The following NAA35 variants were observed in gnomAD, a reference collection of about 807,000 sequenced individuals.
NAA35 encodes the protein MAK10 homolog, amino-acid N-acetyltransferase subunit.
In NAA35, 18 loss-of-function variants were observed where a neutral mutation model predicts 101.7. That is an observed-to-expected ratio of 0.18 (90% CI 0.12 to 0.26). The LOEUF is 0.26. Among genes scored for constraint, NAA35 ranks in the 10% least tolerant of loss-of-function variants. The pLI is 1.00. For missense variants in NAA35, 601 were observed against 886.8 expected (o/e 0.68, Z 4.09); for synonymous variants, 267 against 273.1 (o/e 0.98, Z 0.22).
intron 2 of NAA35, among the ~76,000 whole-genome samples, chr9:85,954,625 T>C (rs1193352524): frequency 1.3e-5 from 2 of 152,226 alleles, no homozygotes; most frequent in African/African-American, 4.8e-5. Context: ...AGAAAATTTT[T>C]GTCTTTTTTT....
intron 15 of NAA35, 92 bp from the exon 16 acceptor site, chr9:86,012,954 C>T: frequency 1.3e-6 from 1 of 775,118 alleles, no homozygotes; most frequent in Non-Finnish European, 1.9e-6. Flanking sequence ...GCATTTTTTT[C>T]CCTTAAACCA....
chr9:85,963,450 G>A (rs1218782543), intron 6 of NAA35, among the ~76,000 whole-genome samples: 1 of 151,594 alleles, frequency 6.6e-6, no homozygotes, highest in Non-Finnish European at 1.5e-5. Flanking sequence ...TTGTATTTTA[G>A]TAGAGACCCG....
chr9:85,944,469 G>A (rs1250996041), intron 2 of NAA35, among the ~76,000 whole-genome samples: 1 of 152,196 alleles, frequency 6.6e-6, no homozygotes, highest in Non-Finnish European at 1.5e-5. Context: ...CTTGGACTAG[G>A]CCTTGACAGA....
chr9:85,953,108 GAGGC>G (rs961722272), intron 2 of NAA35, among the ~76,000 whole-genome samples: 2 of 152,084 alleles, frequency 1.3e-5, no homozygotes, highest in Non-Finnish European at 2.9e-5. Flanking sequence ...AGTTACCCAG[GAGGC>G]TGAGGTGGGA....
intron 5 of NAA35, 123 bp downstream of exon 5, chr9:85,959,990 T>A: frequency 1.6e-6 from 1 of 621,230 alleles, no homozygotes; most frequent in Non-Finnish European, 2.7e-6. Flanking sequence ...CTAGTAAAGA[T>A]GTGCATAAGA....
At chr9:86,000,476 G>C (rs1831376889) in intron 12 of NAA35, among the ~76,000 whole-genome samples, 1 of 152,022 alleles carries the variant, frequency 6.6e-6, no homozygotes, top group Non-Finnish European at 1.5e-5. Context: ...AATGGTACCA[G>C]CTCTTCTTTG....
chr9:86,011,977 A>C (rs375210992), intron 15 of NAA35, among the ~76,000 whole-genome samples: 2 of 143,260 alleles, frequency 1.4e-5, no homozygotes, highest in Non-Finnish European at 3.0e-5. Flanking sequence ...TATATAATAT[A>C]TAATATATAT....
intron 2 of NAA35, among the ~76,000 whole-genome samples, chr9:85,954,340 C>T (rs937682132): frequency 2.0e-5 from 3 of 152,174 alleles, no homozygotes; most frequent in Non-Finnish European, 1.5e-5. Flanking sequence ...GCCTTGGCCT[C>T]CCACAATGCT....
chr9:85,993,634 A>C (rs1004237986), intron 11 of NAA35, among the ~76,000 whole-genome samples: 8 of 152,220 alleles, frequency 5.3e-5, no homozygotes, highest in African/African-American at 1.9e-4. Context: ...ATTGAACTGT[A>C]CATTTAATGT....
intron 12 of NAA35, among the ~76,000 whole-genome samples, chr9:86,000,394 A>G (rs2118303094): frequency 6.6e-6 from 1 of 152,282 alleles, no homozygotes; most frequent in African/African-American, 2.4e-5. Context: ...TTTTGGTATC[A>G]AGATGATGCT....
At chr9:86,019,728 G>C (rs1832428223) in intron 21 of NAA35, among the ~76,000 whole-genome samples, 1 of 152,136 alleles carries the variant, frequency 6.6e-6, no homozygotes. Context: ...AGTATATCTT[G>C]GGACCGCTTC....
intron 17 of NAA35, 43 bp downstream of exon 17, chr9:86,013,940 G>A (rs1199562101): frequency 4.4e-6 from 6 of 1,379,162 alleles, no homozygotes; most frequent in Non-Finnish European, 6.0e-6. Flanking sequence ...GGGTGCAATG[G>A]ATAAGATCTG....
At chr9:85,947,865 C>T (rs144233097) in intron 2 of NAA35, among the ~76,000 whole-genome samples, 2 of 152,286 alleles carry the variant, frequency 1.3e-5, no homozygotes, top group Non-Finnish European at 2.9e-5. Context: ...GACTTAACAC[C>T]CTTAAGAACT....
At chr9:85,987,585 CAT>C (rs369221225) in intron 11 of NAA35, among the ~76,000 whole-genome samples, 153 of 152,318 alleles carry the variant, frequency 1.0e-3, no homozygotes, top group African/African-American at 3.4e-3. Flanking sequence ...CATACCCACA[CAT>C]GTGTGCTTGT....
intron 11 of NAA35, among the ~76,000 whole-genome samples, chr9:85,983,882 GA>G (rs1289336018): frequency 6.6e-6 from 1 of 152,046 alleles, no homozygotes; most frequent in Non-Finnish European, 1.5e-5. Flanking sequence ...AGCCAAAAAT[GA>G]AAAGGTGAAA....
At chr9:86,021,853 T>A in intron 22 of NAA35, 48 bp from the exon 23 acceptor site, 1 of 1,390,280 alleles carries the variant, frequency 7.2e-7, no homozygotes. Context: ...TTGTGTACCA[T>A]CTGAATATTT....
chr9:85,986,678 G>A (rs1263755039), intron 11 of NAA35: 4 of 310,156 alleles, frequency 1.3e-5, no homozygotes, highest in African/African-American at 2.3e-5. Flanking sequence ...TCTGCCTCCC[G>A]GGTTCAAATG....
intron 2 of NAA35, among the ~76,000 whole-genome samples, chr9:85,944,513 A>C (rs78164323): frequency 6.6e-6 from 1 of 152,180 alleles, no homozygotes; most frequent in Non-Finnish European, 1.5e-5. Flanking sequence ...AGAACAAATA[A>C]GTTCATGTTG....
At chr9:85,953,152 G>A (rs940072448) in intron 2 of NAA35, among the ~76,000 whole-genome samples, 2 of 151,866 alleles carry the variant, frequency 1.3e-5, no homozygotes, top group Non-Finnish European at 2.9e-5. Context: ...GGTCAAGGCT[G>A]CAATGAGCTG....
Sources: gnomAD v4.1 joint callset for allele counts (sites outside exome capture counted in the v4.1 genomes callset) on GRCh38, gnomAD v4.1.1 for gene constraint, MANE v1.5 for transcripts, NCBI Gene and HGNC (gene_info 2026-07-23, HGNC 2026-07-21) for gene names.